Variants in SOX5 observed in about 807,000 individuals in gnomAD.
The protein encoded by SOX5 is SRY-box transcription factor 5.
A neutral mutation model predicts 92.0 loss-of-function variants in SOX5; 9 were observed. That is an observed-to-expected ratio of 0.10 (90% CI 0.06 to 0.17). SOX5 has a LOEUF of 0.17. Ranked by LOEUF, SOX5 falls within the 10% of genes least tolerant of loss-of-function variation. The pLI is 1.00. For missense variants in SOX5, 642 were observed against 944.5 expected (o/e 0.68, Z 4.20); for synonymous variants, 344 against 336.3 (o/e 1.02, Z -0.25).
intron 2 of SOX5, among the ~76,000 whole-genome samples, chr12:23,868,448 A>T (rs2096838478): frequency 6.6e-6 from 1 of 152,066 alleles, no homozygotes; most frequent in African/African-American, 2.4e-5. Flanking sequence ...CAATATAGGT[A>T]CTCATTGTCA....
At position 24,459,492 on chromosome 12, in the gene SOX5, C is replaced by T. The variant is rs114199949; in HGVS notation, c.-250-90853G>A. ...CTGCTTCTCCAGTTAAATATAAGTA[C>T]GATAATCCTAAGAAGTTATCACATT... is the stretch of plus-strand genomic sequence containing the variant. On this transcript the variant is annotated intron_variant, in intron 1 of 4. Coordinates refer to the SOX5 transcript ENST00000446891. Among the ~76,000 whole-genome samples the T allele has an allele frequency of 6.5e-3, 993 of 152,176 alleles. 9 individuals are homozygous for T. The highest frequency in any genetic ancestry group is 0.02 in the African/African-American group (847 of 41,510).
intron 1 of SOX5, among the ~76,000 whole-genome samples, chr12:24,559,462 T>C (rs7955409): frequency 0.31 from 46,529 of 152,036 alleles, 8,531 homozygotes; most frequent in East Asian, 0.81. Context: ...CTGTAAGTTT[T>C]ACTTTTTTAT....
At chr12:24,405,695 A>T (rs1962775164) in intron 1 of SOX5, among the ~76,000 whole-genome samples, 1 of 152,174 alleles carries the variant, frequency 6.6e-6, no homozygotes, top group East Asian at 1.9e-4. Flanking sequence ...ACTCTCCCTA[A>T]TGGGAGCAGA....
intron 4 of SOX5, among the ~76,000 whole-genome samples, chr12:24,169,233 G>A (rs1251912180): frequency 1.3e-5 from 2 of 152,014 alleles, no homozygotes; most frequent in East Asian, 1.9e-4. Context: ...AGAAAATAAG[G>A]TACTGATTTA....
intron 1 of SOX5, among the ~76,000 whole-genome samples, chr12:24,387,256 TC>T (rs1354841442): frequency 6.6e-6 from 1 of 152,232 alleles, no homozygotes; most frequent in African/African-American, 2.4e-5. Flanking sequence ...ATCAGTTTCA[TC>T]CTATCCCTGT....
At chr12:24,435,526 C>T (rs758503691) in intron 1 of SOX5, among the ~76,000 whole-genome samples, 2 of 152,194 alleles carry the variant, frequency 1.3e-5, no homozygotes, top group Non-Finnish European at 2.9e-5. Flanking sequence ...TTATACATTT[C>T]TTGAAGGCAG....
chr12:23,790,657 C>G (rs975678166), intron 3 of SOX5, among the ~76,000 whole-genome samples: 6 of 151,812 alleles, frequency 4.0e-5, no homozygotes, highest in African/African-American at 1.5e-4. Context: ...ATTATCACTT[C>G]TATGTAAATT....
intron 3 of SOX5, among the ~76,000 whole-genome samples, chr12:23,766,940 T>C (rs1462250251): frequency 6.6e-6 from 1 of 152,114 alleles, no homozygotes; most frequent in Non-Finnish European, 1.5e-5. Flanking sequence ...TGTAACCACA[T>C]ATTAGAAACA....
intron 9 of SOX5, among the ~76,000 whole-genome samples, chr12:23,590,247 T>C (rs1292189626): frequency 2.0e-5 from 3 of 151,970 alleles, no homozygotes; most frequent in African/African-American, 7.2e-5. Flanking sequence ...AAGGCAGAAG[T>C]ATTAATTAGG....
At chr12:24,155,311 G>GAAA (rs1379334781) in intron 4 of SOX5, among the ~76,000 whole-genome samples, 2 of 152,080 alleles carry the variant, frequency 1.3e-5, no homozygotes, top group Non-Finnish European at 2.9e-5. Flanking sequence ...TAAGACAAAT[G>GAAA]AAAAATGTTC....
At chr12:23,999,558 G>A (rs1488666300) in intron 4 of SOX5, among the ~76,000 whole-genome samples, 1 of 151,998 alleles carries the variant, frequency 6.6e-6, no homozygotes, top group Non-Finnish European at 1.5e-5. Flanking sequence ...AAATCACACT[G>A]TACACCTAGA....
intron 4 of SOX5, among the ~76,000 whole-genome samples, chr12:24,198,752 G>C (rs920277620): frequency 6.6e-6 from 1 of 152,182 alleles, no homozygotes; most frequent in Admixed American, 6.5e-5. Context: ...TTGATTTAGG[G>C]AGAAGAAAGA....
intron 1 of SOX5, among the ~76,000 whole-genome samples, chr12:24,405,918 T>C (rs10842339): frequency 0.65 from 97,983 of 151,316 alleles, 32,321 homozygotes; most frequent in Non-Finnish European, 0.71. Context: ...CATCTTTCCC[T>C]GAGACAGAGA....
intron 4 of SOX5, among the ~76,000 whole-genome samples, chr12:24,203,387 A>T (rs11047313): frequency 0.014 from 2,200 of 152,300 alleles, 48 homozygotes; most frequent in African/African-American, 0.05. Flanking sequence ...CTTTTGCTAG[A>T]GAATGATATT....
rs146698721 is a variant in SOX5, at chr12:24,363,034, A to G, written c.-174+5529T>C. Among the ~76,000 whole-genome samples, 868 of 152,170 alleles carry G rather than the reference A, an allele frequency of 5.7e-3. 10 individuals are homozygous for G. Among genetic ancestry groups the G allele is most frequent in the Admixed American group, 0.037 (566 of 15,270 alleles). On this transcript the variant is annotated intron_variant, in intron 2 of 4. Transcript: ENST00000446891. ...TCAAATATTATTCCTATTACACACT[A>G]TATAAAAATATATGAAATATTTATT...
chr12:24,279,132 T>C (rs1022335898), intron 2 of SOX5, among the ~76,000 whole-genome samples: 2 of 152,172 alleles, frequency 1.3e-5, no homozygotes, highest in African/African-American at 4.8e-5. Flanking sequence ...ATCATCTTTA[T>C]GTCAAGTCAA....
chr12:24,217,633 A>G (rs1959311745), intron 3 of SOX5, among the ~76,000 whole-genome samples: 2 of 152,180 alleles, frequency 1.3e-5, no homozygotes, highest in South Asian at 4.1e-4. Flanking sequence ...AAAAGAAATA[A>G]ACAGATAAAT....
intron 1 of SOX5, among the ~76,000 whole-genome samples, chr12:23,947,202 C>G (rs1944730986): frequency 6.6e-6 from 1 of 151,860 alleles, no homozygotes; most frequent in Admixed American, 6.6e-5. Context: ...GATCAAAGTT[C>G]TCTATTTCAC....
intron 2 of SOX5, among the ~76,000 whole-genome samples, chr12:24,320,666 C>T (rs1266014925): frequency 6.6e-6 from 1 of 151,912 alleles, no homozygotes; most frequent in Non-Finnish European, 1.5e-5. Flanking sequence ...GAGATCGAGA[C>T]CATCCTGGCT....
Sources: gnomAD v4.1 joint callset for allele counts (sites outside exome capture counted in the v4.1 genomes callset) on GRCh38, gnomAD v4.1.1 for gene constraint, MANE v1.5 for transcripts, NCBI Gene and HGNC (gene_info 2026-07-23, HGNC 2026-07-21) for gene names.